The following FAT4 variants were observed in gnomAD, a reference collection of about 807,000 sequenced individuals.
The protein encoded by FAT4 is FAT atypical cadherin 4.
In FAT4, 84 loss-of-function variants were observed where a neutral mutation model predicts 303.9. That is an observed-to-expected ratio of 0.28 (90% confidence interval 0.23 to 0.33). The LOEUF (loss-of-function observed/expected upper bound fraction) is 0.33, where lower values mean the gene tolerates loss of function less well. Among genes scored for constraint, FAT4 ranks in the 10% least tolerant of loss-of-function variants. The probability of loss-of-function intolerance (pLI) is 1.00; values close to 1 mark genes in which losing one functional copy is unlikely to be tolerated. For missense variants in FAT4, 6,005 were observed against 6,146.8 expected, an observed-to-expected ratio of 0.98 and a Z score of 0.77; for synonymous variants, 2,307 against 2,298.8, an observed-to-expected ratio of 1.00 and a Z score of -0.10.
intron 16 of FAT4, among the ~76,000 whole-genome samples, chr4:125,485,543 A>G (rs368257818): frequency 2.0e-5 from 3 of 152,272 alleles, no homozygotes; most frequent in East Asian, 3.9e-4. Flanking sequence ...GTCCCAGTGG[A>G]AGGTCTTCAG....
At chr4:125,395,472 A>G (rs998357081) in intron 2 of FAT4, among the ~76,000 whole-genome samples, 2 of 151,940 alleles carry the variant, frequency 1.3e-5, no homozygotes, top group African/African-American at 2.4e-5. Flanking sequence ...ACCACGCCCA[A>G]CTAATTTTTG....
At chr4:125,474,117 A>T (rs1048840060) in intron 12 of FAT4, among the ~76,000 whole-genome samples, 3 of 152,084 alleles carry the variant, frequency 2.0e-5, no homozygotes, top group Non-Finnish European at 4.4e-5. Context: ...GCTTACTATT[A>T]AAATAAAACA....
rs1013973810 is a variant in FAT4 at position 125,369,304 on chromosome 4, G to A, written c.5176-29480G>A. 6.6e-5 allele frequency among the ~76,000 whole-genome samples: 10 copies of A among 152,124 alleles called. No individual in the cohort carries two copies. In the East Asian group the frequency reaches 1.6e-3, roughly 24 times the overall value. On this transcript the variant is annotated intron_variant, in intron 2 of 17. Transcript: ENST00000394329. ...AACTGTCTTCAGTGAGTAATGGCGC[G>A]TGCATTAATACCAGTTACTCAGGAG...
rs762116781 is a variant in FAT4 at position 125,415,214 on chromosome 4, A to G, written c.6251A>G (p.Tyr2084Cys). The G allele has an allele frequency of 1.2e-6, 2 of 1,614,110 alleles. No individual in the cohort carries two copies. The highest frequency in any genetic ancestry group is 1.1e-5 in the South Asian group (1 of 91,084). ...ATDPDSGPNSYIEYTLLNPLG... is the reference protein window; with the variant it reads ...ATDPDSGPNSCIEYTLLNPLG... ...GACCCAGATAGTGGCCCAAACAGCT[A>G]TATTGAGTACACTCTGCTGAACCCT... Residue 2084 changes from tyrosine to cysteine, a missense_variant, in exon 6 of 18, where the codon TAT becomes TGT. Physicochemically the swap from Tyr to Cys is radical, Grantham distance 194. Coordinates refer to ENST00000394329, the MANE Select transcript of FAT4 (RefSeq NM_001291303.3).
intron 8 of FAT4, among the ~76,000 whole-genome samples, chr4:125,438,776 G>A (rs1358582229): frequency 6.6e-6 from 1 of 152,030 alleles, no homozygotes; most frequent in Non-Finnish European, 1.5e-5. Context: ...GTATTTTATG[G>A]TTGGTGTTAA....
At chr4:125,422,681 C>G (rs1724948169) in intron 7 of FAT4, among the ~76,000 whole-genome samples, 3 of 152,124 alleles carry the variant, frequency 2.0e-5, no homozygotes, top group Non-Finnish European at 2.9e-5. Context: ...TCTTTATTAG[C>G]TGCATGACAG....
In FAT4 at chr4:125,350,717, A is replaced by G. The variant is rs141315301; in HGVS notation, c.5175+29131A>G. Reference sequence around the variant, plus strand: ...GAAAAATGGTTACTGGCGGTCATCCATAGGAAAACAGAGCAAGTTTACAAA... The same window carrying G: ...GAAAAATGGTTACTGGCGGTCATCCGTAGGAAAACAGAGCAAGTTTACAAA... On this transcript the variant is annotated intron_variant, in intron 2 of 17. Transcript: ENST00000394329. 2.8e-3 allele frequency among the ~76,000 whole-genome samples: 431 copies of G among 151,820 alleles called. 2 individuals are homozygous for G. The highest frequency in any genetic ancestry group is 9.9e-3 in the African/African-American group (409 of 41,508).
rs370689117 is a variant in FAT4 at position 125,423,480 on chromosome 4, G to T, written c.7018+6858G>T. Among the ~76,000 whole-genome samples the T allele has an allele frequency of 1.6e-4, 25 of 152,316 alleles. No individual in the cohort carries two copies. The East Asian group carries it at 4.3e-3, about 26-fold the overall frequency. On this transcript the variant is annotated intron_variant, in intron 7 of 17. Transcript: ENST00000394329. ...GTTTCCACATGGTGTTGAGCCTGCA[G>T]GTGCACAGAGGTCAAGAAGTAAGGT...
intron 2 of FAT4, among the ~76,000 whole-genome samples, chr4:125,340,547 C>A (rs1307370152): frequency 6.6e-6 from 1 of 152,078 alleles, no homozygotes; most frequent in South Asian, 2.1e-4. Flanking sequence ...CCACCACGCC[C>A]GGCTAATTTT....
chr4:125,441,093 G>A (rs1265689263), intron 8 of FAT4, among the ~76,000 whole-genome samples: 4 of 152,002 alleles, frequency 2.6e-5, no homozygotes, highest in African/African-American at 7.2e-5. Flanking sequence ...TCCAATCTAT[G>A]TAGTACACTG....
intron 2 of FAT4, among the ~76,000 whole-genome samples, chr4:125,369,384 A>T (rs1423583884): frequency 6.6e-6 from 1 of 152,120 alleles, no homozygotes; most frequent in African/African-American, 2.4e-5. Flanking sequence ...GTGAGCTGAG[A>T]TTGCCTCATT....
Position 125,317,100 on chromosome 4 carries a change from G to A in FAT4, c.689G>A (p.Arg230Gln), listed in dbSNP as rs1730638782. 1 of 1,613,908 alleles carries A rather than the reference G, an allele frequency of 6.2e-7. No individual in the cohort carries two copies. Among genetic ancestry groups the A allele is most frequent in the Non-Finnish European group, 8.5e-7 (1 of 1,180,050 alleles). Residue 230 changes from arginine (R) to glutamine (Q), a missense_variant, in exon 2 of 18, where the codon CGG (arginine) becomes CAG (glutamine). Coordinates refer to ENST00000394329, the MANE Select transcript of FAT4 (RefSeq NM_001291303.3). This position sits in a 1 kb window ranked among gnomAD's most constrained non-coding sequence, Gnocchi z 7.0. ...GTGGAGGACAAGGGTGAGCCTAAGC[G>A]GCGGGGCTACCTTCAGGTAAACGTG... Reference protein sequence around the residue: ...VEVEDKGEPKRRGYLQVNVTV... With the variant: ...VEVEDKGEPKQRGYLQVNVTV...
intron 2 of FAT4, among the ~76,000 whole-genome samples, chr4:125,385,577 TATAG>T (rs1485716276): frequency 3.3e-5 from 5 of 152,250 alleles, no homozygotes; most frequent in African/African-American, 7.2e-5. Flanking sequence ...ACTTTGAAAT[TATAG>T]ATAATCATAG....
rs1307593432 is a variant in FAT4 at position 125,491,913 on chromosome 4, A to G, written c.*145A>G. The G allele has an allele frequency of 1.3e-6, 1 of 744,302 alleles. No homozygotes were observed. The highest frequency in any genetic ancestry group is 3.1e-5 in the Admixed American group (1 of 31,804). The allele number at this position is 744,302 out of a possible 1,614,324, so 46.1% of individuals were successfully genotyped here. A position where few individuals can be genotyped will look rare whatever the true frequency, so the allele number is the denominator to read the frequency against. On this transcript the variant is annotated 3_prime_UTR_variant, in exon 18 of 18. Transcript: ENST00000394329. The stretch of plus-strand genomic sequence containing the variant: ...GAAAACTTTAAAAATAATAACCACA[A>G]TGCTGCTGAAACAGACTCACAACAA...
intron 14 of FAT4, among the ~76,000 whole-genome samples, chr4:125,478,902 C>T (rs970202116): frequency 1.3e-5 from 2 of 152,062 alleles, no homozygotes; most frequent in Non-Finnish European, 2.9e-5. Context: ...CTTCCCATCT[C>T]ACCCAGCTTC....
chr4:125,338,224 G>A (rs7659791), intron 2 of FAT4, among the ~76,000 whole-genome samples: 77,589 of 151,880 alleles, frequency 0.51, 20,544 homozygotes, highest in Non-Finnish European at 0.59. Context: ...GGACATGGAA[G>A]CAGAAGGGAC....
rs768308287 is a variant in FAT4 at position 125,468,524 on chromosome 4, A to G, written c.11918A>G (p.Lys3973Arg). The G allele has an allele frequency of 2.0e-6, 3 of 1,530,916 alleles. No homozygotes were observed. The South Asian group carries it at 4.0e-5, about 21-fold the overall frequency. The allele number at this position is 1,530,916 out of a possible 1,614,324, so 94.8% of individuals were successfully genotyped here. Residue 3973 changes from lysine (K) to arginine (R), a missense_variant, in exon 12 of 18, where the codon AAA (lysine) becomes AGA (arginine). Physicochemically the swap from Lys to Arg is conservative, Grantham distance 26. Coordinates refer to ENST00000394329, the MANE Select transcript of FAT4 (RefSeq NM_001291303.3). ...TTCCCTCCAACAGGTGTCTTTGGAA[A>G]ACACTGCGAGTTGAACAGTTATGGA... Reference protein sequence around the residue: ...YCHCPFGVFGKHCELNSYGFE... With the variant: ...YCHCPFGVFGRHCELNSYGFE...
rs1301574952 is a variant in FAT4, at chr4:125,451,183, C to T, written c.10173C>T (p.Val3391=). ...GSIRGADIDE[V]TVNVTVLDAN... ...TTAGAGGTGCAGATATAGATGAGGTCACTGTAAATGTCACCGTGCTTGATG... is the reference window on the plus strand; with the variant it reads ...TTAGAGGTGCAGATATAGATGAGGTTACTGTAAATGTCACCGTGCTTGATG... Residue 3391 remains valine, a synonymous_variant, in exon 10 of 18, where the codon GTC becomes GTT. Coordinates refer to ENST00000394329, the MANE Select transcript of FAT4 (RefSeq NM_001291303.3). 6.2e-7 allele frequency: 1 copy of T among 1,614,070 alleles called. No individual in the cohort carries two copies.
At chr4:125,330,878 C>G (rs987747084) in intron 2 of FAT4, among the ~76,000 whole-genome samples, 6 of 152,070 alleles carry the variant, frequency 3.9e-5, no homozygotes. Flanking sequence ...GTTGACTGCT[C>G]TTATTAGTTA....
Sources: gnomAD v4.1 joint callset for allele counts (sites outside exome capture counted in the v4.1 genomes callset) on GRCh38, gnomAD v4.1.1 for gene constraint, Gnocchi (gnomAD v3.1) non-coding constraint, MANE v1.5 for transcripts, NCBI Gene and HGNC (gene_info 2026-07-23, HGNC 2026-07-21) for gene names.